NEK11: variants seen among roughly 807,000 people sequenced by gnomAD.
NEK11 encodes serine/threonine-protein kinase Nek11.
NEK11 carries 72 observed loss-of-function variants against 80.7 expected under a neutral mutation model. That is an observed-to-expected ratio of 0.89 (90% confidence interval 0.74 to 1.08). The LOEUF is 1.08. NEK11 is among the 50% of genes least tolerant of loss of function. The pLI, the probability that NEK11 is intolerant of heterozygous loss-of-function variation, is 0.00. For missense variants in NEK11, 764 were observed against 763.6 expected (o/e 1.00, Z -0.01); for synonymous variants, 251 against 260.7 (o/e 0.96, Z 0.36).
At chr3:131,294,456 T>G (rs1198184123) in intron 17 of NEK11, among the ~76,000 whole-genome samples, 1 of 152,040 alleles carries the variant, frequency 6.6e-6, no homozygotes. Context: ...TTAAAAAAAG[T>G]CTATGGCTTT....
At chr3:131,043,150 A>G (rs773517487) in intron 3 of NEK11, among the ~76,000 whole-genome samples, 1 of 152,258 alleles carries the variant, frequency 6.6e-6, no homozygotes, top group Non-Finnish European at 1.5e-5. Context: ...ATCCACGAAG[A>G]TGAGGAAAAA....
At chr3:131,126,638 TG>T (rs1420990181) in intron 5 of NEK11, among the ~76,000 whole-genome samples, 2 of 152,200 alleles carry the variant, frequency 1.3e-5, no homozygotes, top group African/African-American at 4.8e-5. Context: ...TCTTTGTCCT[TG>T]GTGTTTTCCA....
chr3:131,287,601 A>T (rs2096489301), intron 17 of NEK11, among the ~76,000 whole-genome samples: 2 of 152,036 alleles, frequency 1.3e-5, no homozygotes, highest in South Asian at 4.1e-4. Context: ...GCCTACTTGT[A>T]TCTAAGATTT....
At chr3:131,244,602 G>A (rs1336532234) in intron 16 of NEK11, among the ~76,000 whole-genome samples, 2 of 152,028 alleles carry the variant, frequency 1.3e-5, no homozygotes, top group Non-Finnish European at 2.9e-5. Flanking sequence ...TGTGTCTGGT[G>A]CAGCAGAGGC....
At chr3:131,134,863 C>T (rs2085251031) in intron 7 of NEK11, among the ~76,000 whole-genome samples, 1 of 152,050 alleles carries the variant, frequency 6.6e-6, no homozygotes. Context: ...TCAGTATGTT[C>T]TAGTGTAAGC....
chr3:131,165,626 A>G (rs79369967), intron 12 of NEK11, 107 bp downstream of exon 12: 11 of 680,870 alleles, frequency 1.6e-5, no homozygotes, highest in Non-Finnish European at 2.6e-5. Flanking sequence ...GAACATCCAG[A>G]TTAACTTCAC....
intron 4 of NEK11, among the ~76,000 whole-genome samples, chr3:131,093,264 A>G (rs1319140805): frequency 6.6e-6 from 1 of 152,228 alleles, no homozygotes; most frequent in Non-Finnish European, 1.5e-5. Flanking sequence ...TTAGGGTTAT[A>G]AAGTTGTCTA....
In NEK11 at chr3:131,132,796, T is replaced by A. The variant is rs752850838; in HGVS notation, c.507T>A (p.Asn169Lys). The A allele has an allele frequency of 2.0e-6, 3 of 1,499,550 alleles. No individual in the cohort carries two copies. Among genetic ancestry groups the A allele is most frequent in the Non-Finnish European group, 2.7e-6 (3 of 1,096,388 alleles). The allele number at this position is 1,499,550 out of a possible 1,614,324, so 92.9% of individuals were successfully genotyped here. Residue 169 changes from asparagine (N) to lysine (K), a missense_variant, in exon 6 of 18, where the codon AAT becomes AAA. Physicochemically the swap from Asn to Lys is moderately conservative, Grantham distance 94 (BLOSUM62 0). Coordinates refer to ENST00000383366, the MANE Select transcript of NEK11 (RefSeq NM_024800.5). Reference sequence around the variant, plus strand: ...CAAAGAATGTATTTCTGAAAAATAATCTCCTTAAAATTGGTAAGATTTTAA... The same window carrying A: ...CAAAGAATGTATTTCTGAAAAATAAACTCCTTAAAATTGGTAAGATTTTAA... ...LKSKNVFLKNNLLKIGDFGVS... is the reference protein window; with the variant it reads ...LKSKNVFLKNKLLKIGDFGVS...
At chr3:131,049,686 G>A (rs1326140830) in intron 3 of NEK11, among the ~76,000 whole-genome samples, 1 of 152,126 alleles carries the variant, frequency 6.6e-6, no homozygotes, top group East Asian at 1.9e-4. Context: ...AAACTATGCA[G>A]AACCAAGATG....
chr3:131,290,912 G>T (rs1334217385), intron 17 of NEK11, among the ~76,000 whole-genome samples: 2 of 152,100 alleles, frequency 1.3e-5, no homozygotes, highest in African/African-American at 2.4e-5. Flanking sequence ...TGGTACATTT[G>T]TTGCAACTGA....
chr3:131,163,224 A>G (rs1449531046), intron 11 of NEK11, among the ~76,000 whole-genome samples: 2 of 152,194 alleles, frequency 1.3e-5, no homozygotes, highest in Non-Finnish European at 2.9e-5. Flanking sequence ...TGATCTGGCA[A>G]TCCTACATTT....
At chr3:131,180,703 T>C (rs1262129868) in intron 14 of NEK11, among the ~76,000 whole-genome samples, 1 of 152,206 alleles carries the variant, frequency 6.6e-6, no homozygotes, top group African/African-American at 2.4e-5. Flanking sequence ...ACCATCAATT[T>C]TGAGATGAAT....
intron 3 of NEK11, among the ~76,000 whole-genome samples, chr3:131,057,664 T>C (rs1380087000): frequency 2.0e-5 from 3 of 152,196 alleles, no homozygotes; most frequent in Admixed American, 1.3e-4. Context: ...TTTCATGTGT[T>C]TTTTGGCTGC....
intron 7 of NEK11, among the ~76,000 whole-genome samples, chr3:131,148,193 C>CATATATT (rs1186019681): frequency 2.6e-5 from 4 of 151,688 alleles, no homozygotes; most frequent in Non-Finnish European, 5.9e-5. Context: ...TATATTAAGT[C>CATATATT]AACTCTGTAT....
At chr3:131,332,367 G>T (rs2097105280) in intron 17 of NEK11, among the ~76,000 whole-genome samples, 1 of 152,222 alleles carries the variant, frequency 6.6e-6, no homozygotes, top group South Asian at 2.1e-4. Flanking sequence ...GGTCTGGAGT[G>T]GACCTCTAGC....
chr3:131,077,101 C>T (rs1175314211), intron 3 of NEK11, among the ~76,000 whole-genome samples: 1 of 152,154 alleles, frequency 6.6e-6, no homozygotes, highest in African/African-American at 2.4e-5. Flanking sequence ...TGTCAGTTCA[C>T]TGATGCTAGA....
In NEK11 at chr3:131,172,967, C is replaced by G. The variant is rs974882006; in HGVS notation, c.1399+2080C>G. Among the ~76,000 whole-genome samples the G allele has an allele frequency of 2.0e-5, 3 of 152,190 alleles. No individual in the cohort carries two copies. The East Asian group carries it at 5.8e-4, about 29-fold the overall frequency. On this transcript the variant is annotated intron_variant, in intron 14 of 17. Coordinates refer to ENST00000383366, the MANE Select transcript of NEK11 (RefSeq NM_024800.5). ...ATTAGCATGCTAAAAGACACTCCCA[C>G]CAGCACCGTGACAGTTTACACATGC...
Position 131,328,034 on chromosome 3 carries a change from A to G in NEK11, c.1719-21523A>G, listed in dbSNP as rs966976772. Reference sequence around the variant, plus strand: ...CATGGTGCCTCATGCCTGTACTTCTAGTGATTTGGGGGGCCAGCATGAGAA... The same window carrying G: ...CATGGTGCCTCATGCCTGTACTTCTGGTGATTTGGGGGGCCAGCATGAGAA... On this transcript the variant is annotated intron_variant, in intron 17 of 17. Transcript: ENST00000383366. 5.1e-4 allele frequency among the ~76,000 whole-genome samples: 78 copies of G among 152,180 alleles called. 1 individual carries two copies. Among genetic ancestry groups the G allele is most frequent in the African/African-American group, 1.7e-3 (71 of 41,510 alleles).
chr3:131,208,390 G>C (rs1330584545), intron 14 of NEK11, among the ~76,000 whole-genome samples: 4 of 152,196 alleles, frequency 2.6e-5, no homozygotes, highest in Non-Finnish European at 4.4e-5. Flanking sequence ...TTTGAAATCT[G>C]GTAGCATGAT....
Sources: gnomAD v4.1 joint callset for allele counts (sites outside exome capture counted in the v4.1 genomes callset) on GRCh38, gnomAD v4.1.1 for gene constraint, MANE v1.5 for transcripts, NCBI Gene and HGNC (gene_info 2026-07-23, HGNC 2026-07-21) for gene names.